Variants in TNS3 observed in about 807,000 individuals in gnomAD.
TNS3 encodes the protein tensin 3.
Under a neutral mutation model 140.9 loss-of-function variants are expected in TNS3, and 45 were observed. That is an observed-to-expected ratio of 0.32 (90% CI 0.25 to 0.41). The LOEUF (loss-of-function observed/expected upper bound fraction) is 0.41, where lower values mean the gene tolerates loss of function less well. Among genes scored for constraint, TNS3 ranks in the 10% least tolerant of loss-of-function variants. The pLI, the probability that TNS3 is intolerant of heterozygous loss-of-function variation, is 1.00. For synonymous variants in TNS3, 815 were observed against 788.4 expected (o/e 1.03, Z -0.56); for missense variants, 1,716 against 1,906.7 (o/e 0.90, Z 1.86).
At chr7:47,320,149 C>G (rs993217472) in intron 20 of TNS3, among the ~76,000 whole-genome samples, 1 of 152,152 alleles carries the variant, frequency 6.6e-6, no homozygotes, top group Non-Finnish European at 1.5e-5. Context: ...ACTATCTGCG[C>G]GGTGCTCAGT....
intron 1 of TNS3, among the ~76,000 whole-genome samples, chr7:47,529,630 C>T (rs997696628): frequency 2.0e-5 from 3 of 152,232 alleles, no homozygotes; most frequent in Non-Finnish European, 4.4e-5. Context: ...CACCATTAAG[C>T]TCTTGAGCCT....
At chr7:47,438,166 G>A (rs776343615) in intron 6 of TNS3, among the ~76,000 whole-genome samples, 1 of 152,156 alleles carries the variant, frequency 6.6e-6, no homozygotes, top group African/African-American at 2.4e-5. Context: ...GGCTTGTCCT[G>A]GTCACCCAGC....
chr7:47,366,243 G>C (rs1269443952), intron 17 of TNS3, among the ~76,000 whole-genome samples: 1 of 152,158 alleles, frequency 6.6e-6, no homozygotes, highest in Non-Finnish European at 1.5e-5. Context: ...TTCAGGGACT[G>C]CTACCCTGCT....
At chr7:47,412,448 G>A (rs58864750) in intron 12 of TNS3, among the ~76,000 whole-genome samples, 3,619 of 152,158 alleles carry the variant, frequency 0.024, 123 homozygotes, top group African/African-American at 0.083. Flanking sequence ...GTGAAACCCC[G>A]TCTCTACAAA....
intron 1 of TNS3, among the ~76,000 whole-genome samples, chr7:47,533,121 A>AT (rs1799468907): frequency 3.2e-5 from 1 of 31,272 alleles, no homozygotes; most frequent in African/African-American, 1.1e-4. Flanking sequence ...ATATATATAT[A>AT]TATTTTTTTT....
At chr7:47,520,306 T>G (rs1562825643) in intron 2 of TNS3, among the ~76,000 whole-genome samples, 1 of 152,106 alleles carries the variant, frequency 6.6e-6, no homozygotes, top group Non-Finnish European at 1.5e-5. Flanking sequence ...GAGAGTAGCA[T>G]TACATCCATC....
At chr7:47,541,594 T>G (rs1031416586) in intron 1 of TNS3, among the ~76,000 whole-genome samples, 1 of 152,150 alleles carries the variant, frequency 6.6e-6, no homozygotes, top group African/African-American at 2.4e-5. Flanking sequence ...GTGATAATAT[T>G]GGATTATGAC....
chr7:47,469,131 A>G (rs76650940), intron 4 of TNS3, among the ~76,000 whole-genome samples: 10,613 of 152,340 alleles, frequency 0.07, 403 homozygotes, highest in African/African-American at 0.079. Context: ...CAAACTATAA[A>G]AATCCTGAAG....
chr7:47,345,335 A>G (rs1789271072), intron 18 of TNS3, among the ~76,000 whole-genome samples: 1 of 152,256 alleles, frequency 6.6e-6, no homozygotes, highest in South Asian at 2.1e-4. Context: ...GTAATGGTAC[A>G]GGTAAATGAG....
chr7:47,300,521 C>T (rs998989161), intron 23 of TNS3, among the ~76,000 whole-genome samples: 28 of 152,356 alleles, frequency 1.8e-4, no homozygotes, highest in African/African-American at 6.3e-4. Flanking sequence ...CAAACCCCCG[C>T]GGCAGGCTCG....
chr7:47,428,477 C>T, intron 8 of TNS3, 101 bp from the exon 9 acceptor site: 1 of 875,460 alleles, frequency 1.1e-6, no homozygotes, highest in Non-Finnish European at 1.6e-6. Flanking sequence ...AATAGAGAGC[C>T]TGCTTTGGTG....
chr7:47,462,150 A>C (rs1453230208), intron 4 of TNS3, among the ~76,000 whole-genome samples: 1 of 152,224 alleles, frequency 6.6e-6, no homozygotes. Flanking sequence ...TCACTTATAA[A>C]TTCTGATCCC....
chr7:47,522,660 G>A (rs564246839), intron 2 of TNS3, among the ~76,000 whole-genome samples: 4 of 152,332 alleles, frequency 2.6e-5, no homozygotes, highest in Admixed American at 6.5e-5. Flanking sequence ...CGGGCACGGT[G>A]GCTCACGCCT....
At chr7:47,488,109 C>T (rs1223240266) in intron 3 of TNS3, among the ~76,000 whole-genome samples, 1 of 152,172 alleles carries the variant, frequency 6.6e-6, no homozygotes, top group Non-Finnish European at 1.5e-5. Context: ...ACAGCTTTGA[C>T]TTCTTACATT....
chr7:47,440,497 G>A (rs1795414108), intron 5 of TNS3, among the ~76,000 whole-genome samples: 1 of 152,208 alleles, frequency 6.6e-6, no homozygotes, highest in African/African-American at 2.4e-5. Flanking sequence ...GGAGGGAAGA[G>A]GGAAGAGGGC....
At chr7:47,363,148 TCATCATCATCA>T (rs1271082079) in intron 17 of TNS3, among the ~76,000 whole-genome samples, 11 of 73,832 alleles carry the variant, frequency 1.5e-4, no homozygotes, top group Non-Finnish European at 4.5e-4. Context: ...ATCATCACCA[TCATCATCATCA>T]GTCATCACCA....
chr7:47,377,710 C>CCCTCCTCCCTTTCCCCCTCCTTCT (rs1791483859), intron 16 of TNS3, among the ~76,000 whole-genome samples: 1 of 113,864 alleles, frequency 8.8e-6, no homozygotes, highest in African/African-American at 3.1e-5. Flanking sequence ...CTCTTTTTCC[C>CCCTCCTCCCTTTCCCCCTCCTTCT]CCTCCTCCCT....
chr7:47,545,321 G>A (rs539615954), intron 1 of TNS3, among the ~76,000 whole-genome samples: 1 of 152,160 alleles, frequency 6.6e-6, no homozygotes, highest in African/African-American at 2.4e-5. Flanking sequence ...TGTATTTTTA[G>A]TAGAGACAGG....
At chr7:47,289,830 A>G (rs540034047) in intron 27 of TNS3, among the ~76,000 whole-genome samples, 2 of 152,358 alleles carry the variant, frequency 1.3e-5, no homozygotes, top group South Asian at 2.1e-4. Context: ...AATTTCATCT[A>G]TAGATTCAAT....
Sources: gnomAD v4.1 joint callset for allele counts (sites outside exome capture counted in the v4.1 genomes callset) on GRCh38, gnomAD v4.1.1 for gene constraint, MANE v1.5 for transcripts, NCBI Gene and HGNC (gene_info 2026-07-23, HGNC 2026-07-21) for gene names.